The following SFXN1 variants were observed in gnomAD, a reference collection of about 807,000 sequenced individuals.
SFXN1 encodes the protein sideroflexin 1.
In SFXN1, 32 loss-of-function variants were observed where a neutral mutation model predicts 39.5. The observed-to-expected ratio is 0.81, with a 90% CI of 0.61 to 1.09. The LOEUF (loss-of-function observed/expected upper bound fraction) is 1.09, where lower values mean the gene tolerates loss of function less well. SFXN1 is among the 50% of genes least tolerant of loss of function. The probability of loss-of-function intolerance (pLI) is 0.00; values close to 1 mark genes in which losing one functional copy is unlikely to be tolerated. For missense variants in SFXN1, 402 were observed against 407.1 expected (o/e 0.99, Z 0.11); for synonymous variants, 136 against 146.5 (o/e 0.93, Z 0.52).
chr5:175,480,184 G>A (rs1193840071), intron 1 of SFXN1, among the ~76,000 whole-genome samples: 4 of 152,136 alleles, frequency 2.6e-5, no homozygotes, highest in Admixed American at 1.3e-4. Flanking sequence ...GGCGGATCAC[G>A]AGGTCAGGAG....
intron 8 of SFXN1, among the ~76,000 whole-genome samples, chr5:175,516,975 A>G (rs534163237): frequency 5.7e-4 from 87 of 152,226 alleles, no homozygotes; most frequent in Non-Finnish European, 6.0e-4. Context: ...ACAAGTCAGT[A>G]GTCATCCTAT....
At chr5:175,501,552 C>G (rs551125980) in intron 2 of SFXN1, among the ~76,000 whole-genome samples, 1 of 151,910 alleles carries the variant, frequency 6.6e-6, no homozygotes, top group Non-Finnish European at 1.5e-5. Flanking sequence ...ACTTGTATCT[C>G]GTAAAGGATT....
intron 10 of SFXN1, 84 bp downstream of exon 10, chr5:175,522,506 A>G (rs1410372014): frequency 5.8e-6 from 8 of 1,379,766 alleles, no homozygotes; most frequent in Admixed American, 2.0e-5. Context: ...ATTCCATTTC[A>G]TTGGCAGGGA....
chr5:175,511,604 C>T (rs1425444090), intron 5 of SFXN1, 78 bp downstream of exon 5: 2 of 1,135,394 alleles, frequency 1.8e-6, no homozygotes. Flanking sequence ...TCTATTATTT[C>T]TTAAACTAGT....
intron 2 of SFXN1, among the ~76,000 whole-genome samples, chr5:175,501,590 A>G (rs1451801387): frequency 1.3e-5 from 2 of 152,226 alleles, no homozygotes; most frequent in Non-Finnish European, 2.9e-5. Context: ...AAGAACTCTT[A>G]TCAATATTGA....
rs201262095 is a variant in SFXN1 at position 175,492,282 on chromosome 5, T to C, written c.164+15T>C. ...CATGATTACAGGTAACATTAATTAT[T>C]GTTTTTTGGTTTAATGTATAAATAG... On this transcript the variant is annotated intron_variant, in intron 2 of 10. Transcript: ENST00000321442. 1.9e-6 allele frequency: 3 copies of C among 1,595,222 alleles called. No individual in the cohort carries two copies. Among genetic ancestry groups the C allele is most frequent in the Non-Finnish European group, 2.6e-6 (3 of 1,172,594 alleles).
Position 175,526,910 on chromosome 5 carries a change from G to A in SFXN1, c.*176G>A, listed in dbSNP as rs1353241349. 3.3e-6 allele frequency: 2 copies of A among 612,492 alleles called. No homozygotes were observed. The highest frequency in any genetic ancestry group is 5.8e-6 in the Non-Finnish European group (2 of 343,932). The allele number at this position is 612,492 out of a possible 1,614,324, so 37.9% of individuals were successfully genotyped here. Reference sequence around the variant, plus strand: ...ACAGAGCACCTGGCGTGGGCCAAGTGCCTGATACTCCCTTACACTGAATCA... The same window carrying A: ...ACAGAGCACCTGGCGTGGGCCAAGTACCTGATACTCCCTTACACTGAATCA... On this transcript the variant is annotated 3_prime_UTR_variant, in exon 11 of 11. Coordinates refer to ENST00000321442, the MANE Select transcript of SFXN1 (RefSeq NM_022754.7).
chr5:175,526,827 A>G lies in SFXN1; in HGVS notation c.*93A>G. On this transcript the variant is annotated 3_prime_UTR_variant, in exon 11 of 11. Coordinates refer to ENST00000321442, the MANE Select transcript of SFXN1 (RefSeq NM_022754.7). ...AATCCTGTTCAACCTGGGTTCTCCC[A>G]GTTACGGAAACCTTTTAAAGATCCA... 9.8e-7 allele frequency: 1 copy of G among 1,018,420 alleles called. No individual in the cohort carries two copies. The highest frequency in any genetic ancestry group is 1.5e-6 in the Non-Finnish European group (1 of 654,024). 63.1% of individuals were successfully genotyped at this position (1,018,420 alleles called of 1,614,324 possible).
intron 8 of SFXN1, among the ~76,000 whole-genome samples, chr5:175,520,724 T>G (rs1010175375): frequency 6.6e-6 from 1 of 152,190 alleles, no homozygotes; most frequent in Non-Finnish European, 1.5e-5. Context: ...CTAAGTACTA[T>G]GTTTACCCTC....
Position 175,511,461 on chromosome 5 carries a change from A to G in SFXN1, c.445A>G (p.Thr149Ala), listed in dbSNP as rs759690393. ...DAPLTVNELG[T>A]AYVSATTGAV... is the part of the protein sequence containing the mutation. Reference sequence around the variant, plus strand: ...CTTTTTTCTTTTCAGTGAGTTGGGAACAGCTTACGTTTCTGCAACAACTGG... The same window carrying G: ...CTTTTTTCTTTTCAGTGAGTTGGGAGCAGCTTACGTTTCTGCAACAACTGG... Residue 149 changes from threonine (T) to alanine (A), a missense_variant, in exon 5 of 11, where the codon ACA becomes GCA. Physicochemically the swap from Thr to Ala is moderately conservative, Grantham distance 58. Transcript: ENST00000321442. The G allele has an allele frequency of 6.2e-7, 1 of 1,614,110 alleles. No homozygotes were observed. Among genetic ancestry groups the G allele is most frequent in the South Asian group, 1.1e-5 (1 of 91,082 alleles).
intron 8 of SFXN1, among the ~76,000 whole-genome samples, chr5:175,520,792 T>C (rs576549208): frequency 6.6e-5 from 10 of 152,284 alleles, no homozygotes; most frequent in African/African-American, 2.4e-4. Flanking sequence ...CTGGGGAGTA[T>C]TTAGCATCTC....
intron 7 of SFXN1, 82 bp downstream of exon 7, chr5:175,513,672 A>G: frequency 2.8e-6 from 4 of 1,436,416 alleles, no homozygotes; most frequent in South Asian, 2.4e-5. Context: ...ACAAACACAT[A>G]TATCACACCT....
chr5:175,499,490 T>A (rs1676696772), intron 2 of SFXN1, among the ~76,000 whole-genome samples: 1 of 151,968 alleles, frequency 6.6e-6, no homozygotes, highest in African/African-American at 2.4e-5. Context: ...TCAAGTGGAG[T>A]TATAACAAGA....
intron 1 of SFXN1, among the ~76,000 whole-genome samples, chr5:175,489,059 G>C (rs1257151949): frequency 1.3e-5 from 2 of 152,082 alleles, no homozygotes; most frequent in Admixed American, 6.6e-5. Context: ...AGAGTCTGTC[G>C]TGTAGTAAGT....
intron 1 of SFXN1, among the ~76,000 whole-genome samples, chr5:175,485,888 T>G (rs1759431326): frequency 6.6e-6 from 1 of 152,216 alleles, no homozygotes; most frequent in Admixed American, 6.5e-5. Flanking sequence ...GATTCTTCCG[T>G]CTGCGGAATG....
chr5:175,513,466 A>G lies in SFXN1; in HGVS notation c.600A>G (p.Glu200=), dbSNP rs1426631185. The G allele has an allele frequency of 2.5e-6, 4 of 1,613,594 alleles. No homozygotes were observed. The highest frequency in any genetic ancestry group is 2.7e-5 in the African/African-American group (2 of 74,978). ...CINIPLMRQR[E]LKVGIPVTDE... Reference sequence around the variant, plus strand: ...CTGTATGTGTTTTGCTCTGCAGGGAACTCAAAGTTGGCATTCCCGTCACGG... The same window carrying G: ...CTGTATGTGTTTTGCTCTGCAGGGAGCTCAAAGTTGGCATTCCCGTCACGG... The change falls in exon 7 of 11, where the codon GAA becomes GAG. Residue 200 remains glutamate, a synonymous_variant. Coordinates refer to ENST00000321442, the MANE Select transcript of SFXN1 (RefSeq NM_022754.7).
intron 8 of SFXN1, 27 bp from the exon 9 acceptor site, chr5:175,521,892 T>C: frequency 6.3e-7 from 1 of 1,580,984 alleles, no homozygotes; most frequent in Non-Finnish European, 8.6e-7. Context: ...ATAAAAAGTA[T>C]TCAAAGCCAT....
In SFXN1 at chr5:175,528,931, T is replaced by A. The variant is rs1391061477; in HGVS notation, c.*2197T>A. On this transcript the variant is annotated 3_prime_UTR_variant, in exon 11 of 11. Coordinates refer to ENST00000321442, the MANE Select transcript of SFXN1 (RefSeq NM_022754.7). ...CTCTCAGAGTCCTCCCCCTACCAGG[T>A]AGTGTGTAGCTCCATTTCAGAATGT... 1 of 152,288 alleles carries A rather than the reference T, an allele frequency of 6.6e-6. No homozygotes were observed. The highest frequency in any genetic ancestry group is 1.5e-5 in the Non-Finnish European group (1 of 68,156). 9.4% of individuals were successfully genotyped at this position (152,288 alleles called of 1,614,324 possible).
chr5:175,526,943 ATTTATAG>A lies in SFXN1; in HGVS notation c.*210_*216del. On this transcript the variant is annotated 3_prime_UTR_variant, in exon 11 of 11. Transcript: ENST00000321442. ...CTCCCTTACACTGAATCATGTTATGATTTATAGAAATACCTTTCCTGTAGCTTTTATA... is the reference window on the plus strand; with the variant it reads ...CTCCCTTACACTGAATCATGTTATGAAAATACCTTTCCTGTAGCTTTTATA... 1.8e-6 allele frequency: 1 copy of A among 559,230 alleles called. No individual in the cohort carries two copies. Among genetic ancestry groups the A allele is most frequent in the South Asian group, 2.4e-5 (1 of 41,154 alleles). 34.6% of individuals were successfully genotyped at this position (559,230 alleles called of 1,614,324 possible). A position where few individuals can be genotyped will look rare whatever the true frequency, so the allele number is the denominator to read the frequency against.
Sources: allele counts gnomAD v4.1 joint callset (sites outside exome capture counted in the v4.1 genomes callset), GRCh38; gene constraint gnomAD v4.1.1; transcripts MANE v1.5; gene names NCBI Gene and HGNC (gene_info 2026-07-23, HGNC 2026-07-21).